The following DENND1A variants were observed in gnomAD, a reference collection of about 807,000 sequenced individuals.
DENND1A encodes the protein DENN domain containing 1A.
A neutral mutation model predicts 113.7 loss-of-function variants in DENND1A; 51 were observed. That is an observed-to-expected ratio of 0.45 (90% confidence interval 0.36 to 0.57). The LOEUF (loss-of-function observed/expected upper bound fraction) is 0.57, where lower values mean the gene tolerates loss of function less well. DENND1A is among the 20% of genes least tolerant of loss of function. The probability of loss-of-function intolerance (pLI) is 0.00; values close to 1 mark genes in which losing one functional copy is unlikely to be tolerated. For missense variants in DENND1A, 1,258 were observed against 1,395.9 expected, an observed-to-expected ratio of 0.90 and a Z score of 1.57; for synonymous variants, 565 against 570.8, an observed-to-expected ratio of 0.99 and a Z score of 0.14.
intron 10 of DENND1A, among the ~76,000 whole-genome samples, chr9:123,625,580 C>T (rs990106317): frequency 6.6e-6 from 1 of 152,108 alleles, no homozygotes; most frequent in Non-Finnish European, 1.5e-5. Flanking sequence ...CCTGTCTCTA[C>T]TAAAAATACA....
chr9:123,904,858 G>A (rs905070062), intron 1 of DENND1A, among the ~76,000 whole-genome samples: 2 of 151,996 alleles, frequency 1.3e-5, no homozygotes, highest in Non-Finnish European at 1.5e-5. Flanking sequence ...TACAGAGAAC[G>A]CCACACAGAT....
chr9:123,876,393 A>G (rs1847469485), intron 2 of DENND1A, among the ~76,000 whole-genome samples: 1 of 152,220 alleles, frequency 6.6e-6, no homozygotes, highest in Non-Finnish European at 1.5e-5. Flanking sequence ...CATTATATCA[A>G]TATTAAATTT....
intron 9 of DENND1A, among the ~76,000 whole-genome samples, chr9:123,638,506 C>T (rs1409595415): frequency 1.3e-5 from 2 of 152,120 alleles, no homozygotes; most frequent in Non-Finnish European, 2.9e-5. Flanking sequence ...TCTCGTTCTG[C>T]CACCCAGGCT....
intron 5 of DENND1A, among the ~76,000 whole-genome samples, chr9:123,710,560 C>T (rs7864135): frequency 0.21 from 31,682 of 148,900 alleles, 5,595 homozygotes; most frequent in African/African-American, 0.44. Flanking sequence ...CACACACACA[C>T]TGGCATCATA....
At chr9:123,762,148 C>T (rs572250450) in intron 4 of DENND1A, among the ~76,000 whole-genome samples, 1 of 152,292 alleles carries the variant, frequency 6.6e-6, no homozygotes, top group East Asian at 1.9e-4. Context: ...CCCTGGGAAG[C>T]TTTCAACTCG....
intron 13 of DENND1A, among the ~76,000 whole-genome samples, chr9:123,531,949 T>C (rs1564662813): frequency 6.6e-6 from 1 of 152,128 alleles, no homozygotes; most frequent in Non-Finnish European, 1.5e-5. Flanking sequence ...GCACCAGACA[T>C]GGGCAGGACA....
intron 13 of DENND1A, among the ~76,000 whole-genome samples, chr9:123,493,853 T>TTGCTTCACCA (rs1357793993): frequency 2.0e-5 from 3 of 152,172 alleles, no homozygotes; most frequent in African/African-American, 7.2e-5. Flanking sequence ...GCCCCCTCCA[T>TTGCTTCACCA]TGCTTCACCA....
chr9:123,721,464 T>C (rs913180490), intron 5 of DENND1A, among the ~76,000 whole-genome samples: 1 of 152,234 alleles, frequency 6.6e-6, no homozygotes, highest in Non-Finnish European at 1.5e-5. Context: ...ACATTCTTAG[T>C]TGCTCTTCAG....
chr9:123,870,920 T>C (rs1846499263), intron 2 of DENND1A, among the ~76,000 whole-genome samples: 1 of 152,136 alleles, frequency 6.6e-6, no homozygotes. Flanking sequence ...AGCTATTCTA[T>C]TGCCATTCTT....
intron 6 of DENND1A, among the ~76,000 whole-genome samples, chr9:123,676,288 G>A (rs1010957141): frequency 2.0e-5 from 3 of 152,200 alleles, no homozygotes; most frequent in Middle Eastern, 3.2e-3. Context: ...ACTCAGGACA[G>A]CTGGGTAGGT....
intron 2 of DENND1A, among the ~76,000 whole-genome samples, chr9:123,810,933 A>T (rs1010090647): frequency 1.3e-5 from 2 of 151,990 alleles, no homozygotes; most frequent in African/African-American, 4.8e-5. Flanking sequence ...TAATTTTTGT[A>T]CATTTAGTAG....
chr9:123,545,618 C>T (rs1169501327), intron 13 of DENND1A, among the ~76,000 whole-genome samples: 1 of 152,052 alleles, frequency 6.6e-6, no homozygotes, highest in Non-Finnish European at 1.5e-5. Context: ...AGGCGCCCGC[C>T]ACCACACCTG....
Position 123,669,921 on chromosome 9 carries a change from A to T in DENND1A, c.453+1370T>A, listed in dbSNP as rs1589599296. Among the ~76,000 whole-genome samples the T allele has an allele frequency of 2.0e-5, 3 of 152,216 alleles. No individual in the cohort carries two copies. The Middle Eastern group carries it at 0.01, about 518-fold the overall frequency. ...TCCACACGAATGGCACAGTGGAAAG[A>T]CCATAGGCTTGAAGTTAGCCCTGGC... On this transcript the variant is annotated intron_variant, in intron 7 of 23. Transcript: ENST00000394215.
intron 19 of DENND1A, among the ~76,000 whole-genome samples, chr9:123,414,747 CT>C (rs1447399904): frequency 1.3e-5 from 2 of 152,158 alleles, no homozygotes; most frequent in Admixed American, 6.5e-5. Flanking sequence ...CTGGAAAATG[CT>C]GTCTGAAGTG....
At chr9:123,697,475 G>C (rs2065596062) in intron 5 of DENND1A, among the ~76,000 whole-genome samples, 1 of 152,046 alleles carries the variant, frequency 6.6e-6, no homozygotes, top group Non-Finnish European at 1.5e-5. Context: ...GTGAGATTTT[G>C]GTGCACCCAT....
intron 2 of DENND1A, among the ~76,000 whole-genome samples, chr9:123,851,337 C>A (rs1245452870): frequency 3.3e-5 from 5 of 152,190 alleles, no homozygotes; most frequent in Non-Finnish European, 7.3e-5. Flanking sequence ...TGAGATCCAT[C>A]CATGTTGTTG....
intron 13 of DENND1A, among the ~76,000 whole-genome samples, chr9:123,548,007 T>C (rs1038850289): frequency 5.9e-5 from 9 of 152,226 alleles, no homozygotes; most frequent in Admixed American, 5.2e-4. Context: ...ATCTTACACA[T>C]GAGAAAAGTG....
At position 123,544,768 on chromosome 9, in the gene DENND1A, C is replaced by T. The variant is rs147567203; in HGVS notation, c.993+12802G>A. On this transcript the variant is annotated intron_variant, in intron 13 of 23. Transcript: ENST00000394215. ...GGTCTTAATGATTTATTTAACGAAG[C>T]TGTTTTATAGCTTCCAAACAACTAA... Among the ~76,000 whole-genome samples, 693 of 152,290 alleles carry T rather than the reference C, an allele frequency of 4.6e-3. 7 individuals are homozygous for T. Among genetic ancestry groups the T allele is most frequent in the African/African-American group, 0.016 (648 of 41,574 alleles).
intron 3 of DENND1A, among the ~76,000 whole-genome samples, chr9:123,769,923 T>G (rs898087882): frequency 5.3e-5 from 8 of 152,046 alleles, no homozygotes; most frequent in Non-Finnish European, 7.4e-5. Context: ...CCACATGGGT[T>G]TGGCCTGGCA....
Sources: gnomAD v4.1 joint callset for allele counts (sites outside exome capture counted in the v4.1 genomes callset) on GRCh38, gnomAD v4.1.1 for gene constraint, MANE v1.5 for transcripts, NCBI Gene and HGNC (gene_info 2026-07-23, HGNC 2026-07-21) for gene names.